The following SPATA16 variants were observed in gnomAD, a reference collection of about 807,000 sequenced individuals.
The protein encoded by SPATA16 is spermatogenesis-associated protein 16.
SPATA16 carries 36 observed loss-of-function variants against 63.3 expected under a neutral mutation model. The ratio of observed to expected loss-of-function variants is 0.57; its 90% CI spans 0.44 to 0.75. The LOEUF is 0.75. Among genes scored for constraint, SPATA16 ranks in the 30% least tolerant of loss-of-function variants. SPATA16 has a pLI of 0.00. For missense variants in SPATA16, 646 were observed against 679.3 expected (o/e 0.95, Z 0.54); for synonymous variants, 203 against 216.7 (o/e 0.94, Z 0.56).
chr3:172,970,654 A>G (rs1734028653), intron 5 of SPATA16, among the ~76,000 whole-genome samples: 1 of 152,170 alleles, frequency 6.6e-6, no homozygotes, highest in African/African-American at 2.4e-5. Context: ...TAATTTAGAA[A>G]CTCTCTGCCT....
At chr3:173,029,171 C>A (rs1362099558) in intron 3 of SPATA16, among the ~76,000 whole-genome samples, 1 of 151,968 alleles carries the variant, frequency 6.6e-6, no homozygotes, top group African/African-American at 2.4e-5. Context: ...TCTGTCAGGA[C>A]ATGTAGAATA....
chr3:173,064,089 T>A (rs762774185), intron 2 of SPATA16, among the ~76,000 whole-genome samples: 63 of 152,134 alleles, frequency 4.1e-4, no homozygotes, highest in Middle Eastern at 3.2e-3. Flanking sequence ...GCAGATCACC[T>A]GAGGTCAGGA....
chr3:173,112,353 T>C (rs573641440), intron 2 of SPATA16, among the ~76,000 whole-genome samples: 6 of 152,358 alleles, frequency 3.9e-5, no homozygotes, highest in African/African-American at 1.4e-4. Flanking sequence ...AAGGACCATC[T>C]GGAATTTGTT....
chr3:173,103,063 T>C (rs981333833), intron 2 of SPATA16, among the ~76,000 whole-genome samples: 3 of 152,242 alleles, frequency 2.0e-5, no homozygotes, highest in Non-Finnish European at 4.4e-5. Flanking sequence ...TAATCTCCGT[T>C]GCCTCCATGT....
chr3:173,033,171 T>A (rs1047199608), intron 3 of SPATA16, among the ~76,000 whole-genome samples: 3 of 152,184 alleles, frequency 2.0e-5, no homozygotes, highest in East Asian at 3.9e-4. Context: ...CAAGAAAAAA[T>A]ATATATTTTT....
intron 3 of SPATA16, among the ~76,000 whole-genome samples, chr3:173,038,043 C>G (rs1735754901): frequency 6.6e-6 from 1 of 152,030 alleles, no homozygotes; most frequent in South Asian, 2.1e-4. Flanking sequence ...AGGTCATCAG[C>G]TCTTCAAAGG....
intron 3 of SPATA16, among the ~76,000 whole-genome samples, chr3:173,028,062 CCTTCCTTCCTTCCTTT>C (rs1240096275): frequency 0.069 from 7,740 of 112,306 alleles, 574 homozygotes; most frequent in Admixed American, 0.091. Context: ...TTCCTTCCTT[CCTTCCTTCCTTCCTTT>C]CTCTCTCTCT....
At chr3:172,905,544 C>T (rs538366911) in intron 10 of SPATA16, among the ~76,000 whole-genome samples, 1 of 152,302 alleles carries the variant, frequency 6.6e-6, no homozygotes, top group Non-Finnish European at 1.5e-5. Context: ...TTTGTATTCT[C>T]TCCTGTTTGC....
chr3:172,996,387 C>T (rs1734692656), intron 4 of SPATA16, among the ~76,000 whole-genome samples: 1 of 152,194 alleles, frequency 6.6e-6, no homozygotes, highest in Admixed American at 6.5e-5. Flanking sequence ...TATTTTGAGA[C>T]TATGTAAATA....
intron 9 of SPATA16, 36 bp from the exon 10 acceptor site, chr3:172,913,780 T>TC: frequency 6.4e-7 from 1 of 1,563,850 alleles, no homozygotes; most frequent in Non-Finnish European, 8.8e-7. Context: ...AGTGTGGAAT[T>TC]CACACAGAAA....
intron 2 of SPATA16, among the ~76,000 whole-genome samples, chr3:173,113,396 A>G (rs1737800808): frequency 1.3e-5 from 2 of 152,240 alleles, no homozygotes; most frequent in Admixed American, 1.3e-4. Flanking sequence ...TGAGGTGGTC[A>G]TAGAGCTAAG....
intron 3 of SPATA16, among the ~76,000 whole-genome samples, chr3:173,047,976 C>G (rs1735995716): frequency 6.6e-6 from 1 of 151,992 alleles, no homozygotes; most frequent in Non-Finnish European, 1.5e-5. Context: ...GTAGAAACAA[C>G]TTTTACATCC....
At chr3:173,131,243 C>T (rs192267621) in intron 1 of SPATA16, among the ~76,000 whole-genome samples, 3 of 152,246 alleles carry the variant, frequency 2.0e-5, no homozygotes, top group East Asian at 1.9e-4. Context: ...CAAAATACAT[C>T]GTTCAAACAG....
chr3:172,944,245 T>A (rs1733229541), intron 6 of SPATA16, among the ~76,000 whole-genome samples: 1 of 152,122 alleles, frequency 6.6e-6, no homozygotes, highest in Non-Finnish European at 1.5e-5. Flanking sequence ...AAATGGCCAA[T>A]AAGCACATGA....
chr3:172,964,133 CAAGT>C (rs1341644691), intron 5 of SPATA16, among the ~76,000 whole-genome samples: 1 of 152,126 alleles, frequency 6.6e-6, no homozygotes, highest in Non-Finnish European at 1.5e-5. Context: ...CTACTGGCCA[CAAGT>C]AAGACTGTTT....
intron 6 of SPATA16, among the ~76,000 whole-genome samples, chr3:172,949,524 A>T (rs1438216236): frequency 2.0e-5 from 3 of 152,148 alleles, no homozygotes; most frequent in Non-Finnish European, 4.4e-5. Flanking sequence ...GTCTTCAGGG[A>T]TTTTAATGCT....
At chr3:173,015,729 G>A (rs564496852) in intron 4 of SPATA16, among the ~76,000 whole-genome samples, 1 of 152,286 alleles carries the variant, frequency 6.6e-6, no homozygotes, top group South Asian at 2.1e-4. Context: ...TAGTCATGGA[G>A]CACAAAGAGA....
intron 4 of SPATA16, among the ~76,000 whole-genome samples, chr3:173,005,118 C>T (rs1386934573): frequency 6.6e-6 from 1 of 151,864 alleles, no homozygotes; most frequent in Non-Finnish European, 1.5e-5. Context: ...GTCAGGAGAT[C>T]GAGACCATCC....
intron 2 of SPATA16, among the ~76,000 whole-genome samples, chr3:173,065,991 G>A (rs1264777737): frequency 1.3e-5 from 2 of 152,174 alleles, no homozygotes; most frequent in Admixed American, 1.3e-4. Context: ...GGTGCATGCA[G>A]CTATGAGACA....
Sources: allele counts gnomAD v4.1 joint callset (sites outside exome capture counted in the v4.1 genomes callset), GRCh38; gene constraint gnomAD v4.1.1; transcripts MANE v1.5; gene names NCBI Gene and HGNC (gene_info 2026-07-23, HGNC 2026-07-21).